Variants in LRRC4C observed in about 807,000 individuals in gnomAD.
LRRC4C encodes leucine-rich repeat-containing protein 4C.
A neutral mutation model predicts 33.6 loss-of-function variants in LRRC4C; 5 were observed. The observed-to-expected ratio is 0.15, with a 90% CI of 0.08 to 0.31. The LOEUF (loss-of-function observed/expected upper bound fraction) is 0.31, where lower values mean the gene tolerates loss of function less well. Ranked by LOEUF, LRRC4C falls within the 10% of genes least tolerant of loss-of-function variation. LRRC4C has a pLI of 1.00. For missense variants in LRRC4C, 560 were observed against 796.7 expected (o/e 0.70, Z 3.58); for synonymous variants, 329 against 302.0 (o/e 1.09, Z -0.93).
chr11:40,178,543 G>T (rs1860709340), intron 5 of LRRC4C, among the ~76,000 whole-genome samples: 1 of 152,116 alleles, frequency 6.6e-6, no homozygotes, highest in South Asian at 2.1e-4. Context: ...CTGCTTTATG[G>T]CCTTCTGAAA....
intron 1 of LRRC4C, among the ~76,000 whole-genome samples, chr11:41,059,212 T>TGTTG (rs1555056823): frequency 6.9e-6 from 1 of 145,012 alleles, no homozygotes; most frequent in Non-Finnish European, 1.5e-5. Flanking sequence ...AAATAAAAGT[T>TGTTG]TTTTTTTTTT....
chr11:40,121,753 G>A (rs1855843971), intron 6 of LRRC4C, among the ~76,000 whole-genome samples: 1 of 152,198 alleles, frequency 6.6e-6, no homozygotes, highest in Non-Finnish European at 1.5e-5. Flanking sequence ...TGCTTTCTTA[G>A]CACAGTATCA....
At chr11:41,301,567 A>G (rs1285399214) in intron 1 of LRRC4C, among the ~76,000 whole-genome samples, 2 of 152,188 alleles carry the variant, frequency 1.3e-5, no homozygotes, top group East Asian at 1.9e-4. Flanking sequence ...AAGCACAGTG[A>G]CTCAGAACTC....
chr11:40,677,537 T>C (rs1944466383), intron 2 of LRRC4C, among the ~76,000 whole-genome samples: 1 of 152,236 alleles, frequency 6.6e-6, no homozygotes, highest in Non-Finnish European at 1.5e-5. Context: ...TTCTTGATTA[T>C]GTATAGATAC....
intron 1 of LRRC4C, among the ~76,000 whole-genome samples, chr11:41,240,591 G>C (rs776393144): frequency 6.6e-6 from 1 of 152,124 alleles, no homozygotes; most frequent in Non-Finnish European, 1.5e-5. Context: ...GGGAAAAGTA[G>C]CATTAGAAGC....
intron 1 of LRRC4C, among the ~76,000 whole-genome samples, chr11:41,125,331 A>T (rs1942683762): frequency 6.6e-6 from 1 of 152,222 alleles, no homozygotes; most frequent in South Asian, 2.1e-4. Flanking sequence ...CATTGTCCAA[A>T]AAATTCCTTC....
At chr11:41,058,490 C>T (rs1565343608) in intron 1 of LRRC4C, among the ~76,000 whole-genome samples, 1 of 152,248 alleles carries the variant, frequency 6.6e-6, no homozygotes, top group African/African-American at 2.4e-5. Context: ...GCACAGCCTG[C>T]TAGGCCAAGT....
intron 3 of LRRC4C, among the ~76,000 whole-genome samples, chr11:40,499,035 T>C (rs955572149): frequency 2.0e-5 from 3 of 152,188 alleles, no homozygotes; most frequent in African/African-American, 7.2e-5. Context: ...GGTGATATTA[T>C]GACTTAAAGT....
intron 3 of LRRC4C, among the ~76,000 whole-genome samples, chr11:40,588,834 C>A (rs1232218383): frequency 6.6e-6 from 1 of 152,068 alleles, no homozygotes; most frequent in Non-Finnish European, 1.5e-5. Context: ...GCACTGTGGT[C>A]TGAGAGATAG....
chr11:40,217,899 T>C (rs1038940406), intron 5 of LRRC4C, among the ~76,000 whole-genome samples: 1 of 152,150 alleles, frequency 6.6e-6, no homozygotes, highest in African/African-American at 2.4e-5. Context: ...ACTACAGCCT[T>C]GCTTAAACAT....
intron 1 of LRRC4C, among the ~76,000 whole-genome samples, chr11:41,290,397 A>T (rs1244506478): frequency 6.6e-6 from 1 of 152,224 alleles, no homozygotes; most frequent in Non-Finnish European, 1.5e-5. Flanking sequence ...TGTTCCTACG[A>T]GTAAGCAGTG....
chr11:41,218,566 T>C (rs1372355370), intron 1 of LRRC4C, among the ~76,000 whole-genome samples: 1 of 152,180 alleles, frequency 6.6e-6, no homozygotes, highest in Non-Finnish European at 1.5e-5. Context: ...TCATACAATA[T>C]ATCTGTGAAA....
chr11:41,095,017 G>A (rs954651470), intron 1 of LRRC4C, among the ~76,000 whole-genome samples: 11 of 152,148 alleles, frequency 7.2e-5, no homozygotes, highest in African/African-American at 2.7e-4. Context: ...GCAGGAAAAT[G>A]GGGAGATGTA....
At chr11:41,171,093 G>A (rs1261852469) in intron 1 of LRRC4C, among the ~76,000 whole-genome samples, 1 of 151,972 alleles carries the variant, frequency 6.6e-6, no homozygotes, top group Non-Finnish European at 1.5e-5. Flanking sequence ...TCATTAAAAA[G>A]TCAGGAAACA....
chr11:40,593,769 C>A (rs1417906072), intron 3 of LRRC4C, among the ~76,000 whole-genome samples: 1 of 152,144 alleles, frequency 6.6e-6, no homozygotes, highest in African/African-American at 2.4e-5. Flanking sequence ...TCCTCTCCTG[C>A]ATAATAAGAT....
In LRRC4C at chr11:41,217,243, C is replaced by T. The variant is rs1947101851; in HGVS notation, c.-496+242188G>A. ...TTAATGACACTAACTTAAAATGGAA[C>T]ACTTGAATTTTCTTTCTAGTATTTA... On this transcript the variant is annotated intron_variant, in intron 1 of 6. Transcript: ENST00000528697. 2.6e-5 allele frequency among the ~76,000 whole-genome samples: 4 copies of T among 152,280 alleles called. No homozygotes were observed. The South Asian group carries it at 8.3e-4, about 32-fold the overall frequency.
intron 5 of LRRC4C, among the ~76,000 whole-genome samples, chr11:40,237,534 A>G (rs1021452294): frequency 6.6e-6 from 1 of 152,198 alleles, no homozygotes; most frequent in African/African-American, 2.4e-5. Flanking sequence ...TTGTGTATAT[A>G]AAGAATCTGG....
At chr11:41,149,670 A>C (rs185904968) in intron 1 of LRRC4C, among the ~76,000 whole-genome samples, 1 of 152,242 alleles carries the variant, frequency 6.6e-6, no homozygotes, top group African/African-American at 2.4e-5. Flanking sequence ...AAGGGAGAAC[A>C]GTGTAGTTTT....
chr11:40,978,069 C>T (rs906535016), intron 1 of LRRC4C, among the ~76,000 whole-genome samples: 2 of 152,158 alleles, frequency 1.3e-5, no homozygotes, highest in Admixed American at 6.5e-5. Flanking sequence ...CTGACAGAGT[C>T]CTCAAATCTT....
Sources: gnomAD v4.1 joint callset for allele counts (sites outside exome capture counted in the v4.1 genomes callset) on GRCh38, gnomAD v4.1.1 for gene constraint, MANE v1.5 for transcripts, NCBI Gene and HGNC (gene_info 2026-07-23, HGNC 2026-07-21) for gene names.